Variants in KLF8 observed in about 807,000 individuals in gnomAD.
KLF8 encodes KLF transcription factor 8.
A neutral mutation model predicts 18.2 loss-of-function variants in KLF8; 10 were observed. The ratio of observed to expected loss-of-function variants is 0.55; its 90% CI spans 0.34 to 0.93. KLF8 has a LOEUF of 0.93. Among genes scored for constraint, KLF8 ranks in the 40% least tolerant of loss-of-function variants. The pLI is 0.02. For missense variants in KLF8, 264 were observed against 277.9 expected (o/e 0.95, Z 0.36); for synonymous variants, 109 against 97.3 (o/e 1.12, Z -0.71).
the KLF8 span, among the ~76,000 whole-genome samples, chrX:56,045,444 G>A: frequency 9.0e-6 from 1 of 111,263 alleles, no homozygotes; most frequent in East Asian, 2.8e-4. Context: ...GAATGATGGT[G>A]GTATTTTTAC....
the KLF8 span, among the ~76,000 whole-genome samples, chrX:55,946,770 C>G: frequency 2.0e-4 from 22 of 110,581 alleles, no homozygotes; most frequent in South Asian, 3.8e-4. Flanking sequence ...AATCTACAAT[C>G]AACTCAAACA....
At chrX:56,179,664 C>G in the KLF8 span, among the ~76,000 whole-genome samples, 1 of 111,681 alleles carries the variant, frequency 9.0e-6, no homozygotes, top group African/African-American at 3.2e-5. Context: ...AGATACATCC[C>G]ATCAATATCT....
chrX:56,242,983 G>A (rs2066567319), intron 1 of KLF8: 5 of 480,507 alleles, frequency 1.0e-5, no homozygotes, highest in South Asian at 4.5e-5. Flanking sequence ...ATTGTAATCA[G>A]GAGCCAGTCG....
chrX:56,050,467 G>T, the KLF8 span, among the ~76,000 whole-genome samples: 2 of 111,904 alleles, frequency 1.8e-5, no homozygotes, highest in Non-Finnish European at 3.8e-5. Context: ...GGTATGTTGT[G>T]TCTTTGTTCT....
the KLF8 span, among the ~76,000 whole-genome samples, chrX:56,082,293 G>A: frequency 1.8e-5 from 2 of 111,024 alleles, no homozygotes; most frequent in African/African-American, 3.3e-5. Context: ...CTGTAAAATT[G>A]CTAATTATAT....
the KLF8 span, among the ~76,000 whole-genome samples, chrX:55,990,974 C>G: frequency 2.7e-5 from 3 of 112,423 alleles, no homozygotes; most frequent in Non-Finnish European, 5.6e-5. Context: ...GGCAGTCTGT[C>G]CATTCTCAGA....
chrX:55,999,981 G>A, the KLF8 span, among the ~76,000 whole-genome samples: 3 of 111,756 alleles, frequency 2.7e-5, no homozygotes, highest in Non-Finnish European at 5.6e-5. Flanking sequence ...CTGTGGGTTT[G>A]TCATATATGA....
the KLF8 span, among the ~76,000 whole-genome samples, chrX:56,080,777 C>T: frequency 1.8e-5 from 2 of 111,849 alleles, no homozygotes; most frequent in East Asian, 2.8e-4. Flanking sequence ...CCATCACTTT[C>T]AGGTATGCCA....
At chrX:56,281,394 C>G (rs1444583778) in intron 5 of KLF8, among the ~76,000 whole-genome samples, 3 of 111,846 alleles carry the variant, frequency 2.7e-5, no homozygotes, top group Non-Finnish European at 5.6e-5. Context: ...TATTAGCTAG[C>G]CTTGGAACTT....
At chrX:56,049,478 G>C in the KLF8 span, among the ~76,000 whole-genome samples, 3 of 109,338 alleles carry the variant, frequency 2.7e-5, no homozygotes, top group Non-Finnish European at 5.7e-5. Flanking sequence ...TAGCATGAAG[G>C]GTTGTTGAAT....
intron 1 of KLF8, among the ~76,000 whole-genome samples, chrX:56,241,176 A>T (rs1215150210): frequency 9.1e-6 from 1 of 110,058 alleles, no homozygotes; most frequent in Non-Finnish European, 1.9e-5. Flanking sequence ...ATCACCCATA[A>T]TTTTTTTTTG....
At chrX:56,162,907 G>C in the KLF8 span, among the ~76,000 whole-genome samples, 1 of 111,452 alleles carries the variant, frequency 9.0e-6, no homozygotes, top group Non-Finnish European at 1.9e-5. Flanking sequence ...GGCCACCTTG[G>C]CTCCACCCCC....
chrX:56,056,831 T>TAA, the KLF8 span, among the ~76,000 whole-genome samples: 5 of 62,694 alleles, frequency 8.0e-5, no homozygotes, highest in African/African-American at 1.2e-4. Flanking sequence ...ATTGCAGGTG[T>TAA]AAAAAAAAAA....
chrX:56,028,878 G>A, the KLF8 span, among the ~76,000 whole-genome samples: 1 of 111,192 alleles, frequency 9.0e-6, no homozygotes, highest in Non-Finnish European at 1.9e-5. Context: ...GAACTGTTGG[G>A]TGCAGAGTCA....
At chrX:56,273,194 C>T (rs773388762) in intron 5 of KLF8, among the ~76,000 whole-genome samples, 4 of 110,758 alleles carry the variant, frequency 3.6e-5, no homozygotes, top group Non-Finnish European at 7.6e-5. Flanking sequence ...TTTGTGGGTA[C>T]GTAGTAGGTT....
At chrX:56,101,132 C>T in the KLF8 span, among the ~76,000 whole-genome samples, 1 of 111,029 alleles carries the variant, frequency 9.0e-6, no homozygotes, top group South Asian at 3.8e-4. Flanking sequence ...ATACTTTTTC[C>T]TCTAGTAGTC....
chrX:55,930,170 T>G, the KLF8 span, among the ~76,000 whole-genome samples: 2 of 111,977 alleles, frequency 1.8e-5, no homozygotes, highest in African/African-American at 6.5e-5. Flanking sequence ...TCACTCATGA[T>G]TTGGCTCTCT....
chrX:55,988,009 G>A, the KLF8 span, among the ~76,000 whole-genome samples: 1 of 112,440 alleles, frequency 8.9e-6, no homozygotes, highest in South Asian at 3.7e-4. Flanking sequence ...CTTTTGAGAA[G>A]TGTCTGTTCA....
At chrX:56,046,667 C>A in the KLF8 span, among the ~76,000 whole-genome samples, 1 of 110,231 alleles carries the variant, frequency 9.1e-6, no homozygotes, top group South Asian at 3.8e-4. Context: ...ATACAAAATT[C>A]TTTCCTAATT....
Sources: allele counts gnomAD v4.1 joint callset (sites outside exome capture counted in the v4.1 genomes callset), GRCh38; gene constraint gnomAD v4.1.1; transcripts MANE v1.5; gene names NCBI Gene and HGNC (gene_info 2026-07-23, HGNC 2026-07-21).